KLHL3: variants seen among roughly 807,000 people sequenced by gnomAD.
The protein encoded by KLHL3 is kelch like family member 3.
KLHL3 carries 19 observed loss-of-function variants against 70.5 expected under a neutral mutation model. The observed-to-expected ratio is 0.27, with a 90% CI of 0.19 to 0.40. The LOEUF (loss-of-function observed/expected upper bound fraction) is 0.40, where lower values mean the gene tolerates loss of function less well. KLHL3 is among the 10% of genes least tolerant of loss of function. KLHL3 has a pLI of 1.00. For synonymous variants in KLHL3, 258 were observed against 290.3 expected (o/e 0.89, Z 1.13); for missense variants, 512 against 771.1 (o/e 0.66, Z 3.98).
Position 137,627,474 on chromosome 5 carries a change from A to ACCCCCCCCCCCCCCCCC in KLHL3, c.1591+822_1591+823insGGGGGGGGGGGGGGGGG, listed in dbSNP as rs1215063936. 9.4e-5 allele frequency among the ~76,000 whole-genome samples: 5 copies of ACCCCCCCCCCCCCCCCC among 53,108 alleles called. 2 individuals carry two copies. The highest frequency in any genetic ancestry group is 1.1e-4 in the African/African-American group (2 of 18,656). 34.8% of individuals were successfully genotyped at this position (53,108 alleles called of 152,430 possible). On this transcript the variant is annotated intron_variant, in intron 13 of 14. Transcript: ENST00000309755. ...GGCAATGAGTAAATTAGTAAATATC[A>ACCCCCCCCCCCCCCCCC]CCACCCCCCCCCCCGGTTTACACTT... is the stretch of plus-strand genomic sequence containing the variant.
At chr5:137,729,972 G>A (rs1473545729) in intron 1 of KLHL3, among the ~76,000 whole-genome samples, 2 of 152,112 alleles carry the variant, frequency 1.3e-5, no homozygotes, top group Admixed American at 1.3e-4. Context: ...ATAGAATTAG[G>A]CTGAATCGCT....
chr5:137,705,303 AAAC>A (rs1373539990), intron 3 of KLHL3, among the ~76,000 whole-genome samples: 1 of 152,222 alleles, frequency 6.6e-6, no homozygotes, highest in African/African-American at 2.4e-5. Context: ...AGCAAGGGTG[AAAC>A]AACAGTTCTG....
At chr5:137,711,404 C>G (rs1394190859) in intron 2 of KLHL3, among the ~76,000 whole-genome samples, 1 of 152,248 alleles carries the variant, frequency 6.6e-6, no homozygotes, top group African/African-American at 2.4e-5. Context: ...GACACAGTGA[C>G]TTTTCCATGG....
chr5:137,700,674 G>C (rs928404386), intron 3 of KLHL3, among the ~76,000 whole-genome samples: 1 of 152,116 alleles, frequency 6.6e-6, no homozygotes, highest in African/African-American at 2.4e-5. Flanking sequence ...ACTTCTCCTT[G>C]CTCCTTTACA....
At chr5:137,698,944 A>G (rs1752508527) in intron 3 of KLHL3, among the ~76,000 whole-genome samples, 1 of 152,226 alleles carries the variant, frequency 6.6e-6, no homozygotes, top group Non-Finnish European at 1.5e-5. Context: ...CTTGAGGTTT[A>G]TTAATATTAT....
chr5:137,698,816 C>T (rs150117262), intron 3 of KLHL3, among the ~76,000 whole-genome samples: 5 of 152,312 alleles, frequency 3.3e-5, no homozygotes, highest in South Asian at 2.1e-4. Flanking sequence ...GTGATAAGAG[C>T]TTAGTAGACA....
At chr5:137,693,405 T>C (rs756368674) in intron 4 of KLHL3, among the ~76,000 whole-genome samples, 1 of 152,088 alleles carries the variant, frequency 6.6e-6, no homozygotes, top group Non-Finnish European at 1.5e-5. Context: ...TTCCTAAGGG[T>C]CAGGGAAGAC....
intron 8 of KLHL3, among the ~76,000 whole-genome samples, chr5:137,650,185 A>G (rs1751165504): frequency 1.3e-5 from 2 of 152,164 alleles, no homozygotes; most frequent in Admixed American, 1.3e-4. Context: ...GAGGGTGTAA[A>G]CCAGTTTTCT....
At chr5:137,653,488 T>C (rs1751261044) in intron 8 of KLHL3, among the ~76,000 whole-genome samples, 2 of 152,118 alleles carry the variant, frequency 1.3e-5, no homozygotes, top group African/African-American at 2.4e-5. Flanking sequence ...GGGTGGCAAA[T>C]AGGCACATGA....
At chr5:137,703,839 G>GA (rs1363856868) in intron 3 of KLHL3, among the ~76,000 whole-genome samples, 5 of 142,046 alleles carry the variant, frequency 3.5e-5, no homozygotes, top group Non-Finnish European at 7.7e-5. Flanking sequence ...ACAAAGTCAG[G>GA]AAAAAAATGC....
At position 137,628,444 on chromosome 5, in the gene KLHL3, GGCAGA is replaced by G; in HGVS notation, c.1451-12_1451-8del. The G allele has an allele frequency of 6.2e-7, 1 of 1,614,048 alleles. No homozygotes were observed. On this transcript the variant is annotated splice_region_variant and splice_polypyrimidine_tract_variant and intron_variant, in intron 12 of 14. Coordinates refer to ENST00000309755, the MANE Select transcript of KLHL3 (RefSeq NM_017415.3). The stretch of plus-strand genomic sequence containing the variant: ...CCGCTAAGCACTCCAACCCCTGAAA[GGCAGA>G]GCACAGCATCCCAGCCTCATGCTGA...
intron 5 of KLHL3, among the ~76,000 whole-genome samples, chr5:137,692,019 T>C (rs185516524): frequency 5.9e-4 from 90 of 152,308 alleles, no homozygotes; most frequent in African/African-American, 2.1e-3. Context: ...CAGTTTGCTC[T>C]CCCCACTCCC....
At chr5:137,643,959 A>G (rs954816736) in intron 8 of KLHL3, among the ~76,000 whole-genome samples, 1 of 152,018 alleles carries the variant, frequency 6.6e-6, no homozygotes, top group Non-Finnish European at 1.5e-5. Flanking sequence ...TTTAGATTTC[A>G]TATATAAGTG....
intron 4 of KLHL3, among the ~76,000 whole-genome samples, chr5:137,696,473 A>G (rs930593048): frequency 6.6e-6 from 1 of 152,244 alleles, no homozygotes; most frequent in Non-Finnish European, 1.5e-5. Flanking sequence ...TGTCTCCTCA[A>G]AAATAAAATG....
chr5:137,691,346 T>A (rs1041674363), intron 5 of KLHL3, among the ~76,000 whole-genome samples: 9 of 152,204 alleles, frequency 5.9e-5, no homozygotes, highest in African/African-American at 2.2e-4. Context: ...GGTGGCTGCA[T>A]GTGTATAAAG....
chr5:137,638,901 A>G, intron 10 of KLHL3, 52 bp downstream of exon 10: 1 of 1,551,282 alleles, frequency 6.4e-7, no homozygotes, highest in Non-Finnish European at 8.8e-7. Context: ...ACAGGGTTGC[A>G]TGGAGGATGT....
chr5:137,634,974 G>A (rs958542953), intron 11 of KLHL3, among the ~76,000 whole-genome samples: 1 of 152,156 alleles, frequency 6.6e-6, no homozygotes, highest in African/African-American at 2.4e-5. Context: ...CAATGGGATG[G>A]TCTCTTCTGT....
intron 5 of KLHL3, among the ~76,000 whole-genome samples, chr5:137,691,904 C>T (rs1435608441): frequency 3.3e-5 from 5 of 152,142 alleles, no homozygotes; most frequent in Admixed American, 3.3e-4. Context: ...AGGCGTGAGC[C>T]ACTGCGCCCA....
Position 137,720,539 on chromosome 5 carries a change from C to A in KLHL3, c.60G>T (p.Glu20Asp), listed in dbSNP as rs369202002. The A allele has an allele frequency of 1.9e-6, 3 of 1,614,060 alleles. No individual in the cohort carries two copies. Among genetic ancestry groups the A allele is most frequent in the African/African-American group, 1.3e-5 (1 of 74,930 alleles). ...SQTLIQAGDD[E>D]KNQRTITVNP... is the part of the protein sequence containing the mutation. ...TGACAGTGATCGTCCTCTGGTTCTT[C>A]TCATCATCCCCAGCCTGTATCAGAG... Residue 20 changes from glutamate (E) to aspartate (D), a missense_variant, in exon 2 of 15, where the codon GAG becomes GAT. Glu to Asp is a conservative substitution (Grantham distance 45). Transcript: ENST00000309755.
Sources: gnomAD v4.1 joint callset for allele counts (sites outside exome capture counted in the v4.1 genomes callset) on GRCh38, gnomAD v4.1.1 for gene constraint, MANE v1.5 for transcripts, NCBI Gene and HGNC (gene_info 2026-07-23, HGNC 2026-07-21) for gene names.